MUC12: variants seen among roughly 807,000 people sequenced by gnomAD.
MUC12 encodes the protein mucin 12, cell surface associated.
Under a neutral mutation model 230.8 loss-of-function variants are expected in MUC12, and 172 were observed. The observed-to-expected ratio is 0.75, with a 90% CI of 0.66 to 0.85. The LOEUF is 0.85. Among genes scored for constraint, MUC12 ranks in the 40% least tolerant of loss-of-function variants. MUC12 has a pLI of 0.00. For synonymous variants in MUC12, 1,259 were observed against 2,401.9 expected, an observed-to-expected ratio of 0.52 and a Z score of 13.91; for missense variants, 3,506 against 5,920.6, an observed-to-expected ratio of 0.59 and a Z score of 13.38.
At chr7:100,975,272 G>A (rs1482221947) in intron 1 of MUC12, among the ~76,000 whole-genome samples, 1 of 152,312 alleles carries the variant, frequency 6.6e-6, no homozygotes, top group African/African-American at 2.4e-5. Flanking sequence ...GGATGGGCTA[G>A]GGGAGAGGGA....
At chr7:101,005,697 G>A (rs139285366) in intron 2 of MUC12, among the ~76,000 whole-genome samples, 178 bp downstream of exon 2, 21 of 152,062 alleles carry the variant, frequency 1.4e-4, no homozygotes, top group Non-Finnish European at 2.1e-4. Flanking sequence ...CCGTTCACTG[G>A]TCCCCACACA....
rs1793707875 is a variant in MUC12 at position 101,004,775 on chromosome 7, T to G, written c.14212T>G (p.Ser4738Ala). 2.3e-5 allele frequency: 35 copies of G among 1,537,472 alleles called. No individual in the cohort carries two copies. The highest frequency in any genetic ancestry group is 2.8e-5 in the Non-Finnish European group (32 of 1,147,016). Residue 4738 changes from serine (S) to alanine (A), a missense_variant, in exon 2 of 12, where the codon TCT becomes GCT. Physicochemically the swap from Ser to Ala is moderately conservative, Grantham distance 99. Coordinates refer to ENST00000536621, the MANE Select transcript of MUC12 (RefSeq NM_001164462.2). ...CACAACACCAGGCCTCAGTGCAAAA[T>G]CTACCATCCTTTACAGTAGCTCCAG... ...TATTPGLSAK[S>A]TILYSSSRSP...
rs901362997 is a variant in MUC12, at chr7:101,013,131, C to A, written c.15627C>A (p.Gly5209=). ...NLGTCQLQRS[G]PRCLCPNTNT... is the part of the protein sequence containing the mutation. ...GCACATGTCAGCTGCAACGCAGTGGCCCCCGCTGCCTGTGAGTGTCCCCAT... is the reference window on the plus strand; with the variant it reads ...GCACATGTCAGCTGCAACGCAGTGGACCCCGCTGCCTGTGAGTGTCCCCAT... Residue 5209 remains glycine (G), a synonymous_variant, in exon 8 of 12, where the codon GGC becomes GGA. Coordinates refer to ENST00000536621, the MANE Select transcript of MUC12 (RefSeq NM_001164462.2). 4 of 1,537,098 alleles carry A rather than the reference C, an allele frequency of 2.6e-6. No individual in the cohort carries two copies. The African/African-American group carries it at 5.5e-5, about 21-fold the overall frequency.
At position 100,995,597 on chromosome 7, in the gene MUC12, C is replaced by T. The variant is rs1285822062; in HGVS notation, c.5034C>T (p.Gly1678=). The T allele has an allele frequency of 3.9e-6, 6 of 1,536,684 alleles. No homozygotes were observed. Among genetic ancestry groups the T allele is most frequent in the Non-Finnish European group, 5.2e-6 (6 of 1,146,912 alleles). The change falls in exon 2 of 12, where the codon GGC becomes GGT. Residue 1678 remains glycine (G), a synonymous_variant. Transcript: ENST00000536621. ...CACACACAACACTGTCCCCTGCCGG[C>T]TCTACAACACGTCAGGGAGAATCTA... The part of the protein sequence containing the change: ...GSPHTTLSPA[G]STTRQGESTT...
intron 1 of MUC12, among the ~76,000 whole-genome samples, chr7:100,980,004 G>A (rs1793082075): frequency 6.6e-6 from 1 of 151,494 alleles, no homozygotes; most frequent in South Asian, 2.1e-4. Flanking sequence ...CAGTCTGGGG[G>A]CACATTGAGA....
chr7:100,975,610 G>T (rs1793015552), intron 1 of MUC12, among the ~76,000 whole-genome samples: 1 of 140,842 alleles, frequency 7.1e-6, no homozygotes, highest in Non-Finnish European at 1.6e-5. Flanking sequence ...AATGAGGTGG[G>T]ATTGGGGCAG....
rs1349914438 is a variant in MUC12, at chr7:100,993,465, A to G, written c.2902A>G (p.Ser968Gly). The change falls in exon 2 of 12, where the codon AGC (serine) becomes GGC (glycine). Residue 968 changes from serine (S) to glycine (G), a missense_variant. By Grantham distance (56) the Ser-to-Gly change is moderately conservative. Coordinates refer to ENST00000536621, the MANE Select transcript of MUC12 (RefSeq NM_001164462.2). ...GIVEASTRVH[S>G]STGSPRTTLS... is the part of the protein sequence containing the mutation. ...CGTTGAAGCATCTACACGCGTCCACAGCAGCACTGGCTCACCACGCACAAC... is the reference window on the plus strand; with the variant it reads ...CGTTGAAGCATCTACACGCGTCCACGGCAGCACTGGCTCACCACGCACAAC... 1 of 1,024,768 alleles carries G rather than the reference A, an allele frequency of 9.8e-7. No homozygotes were observed. Among genetic ancestry groups the G allele is most frequent in the Non-Finnish European group, 1.3e-6 (1 of 759,222 alleles). 63.5% of individuals were successfully genotyped at this position (1,024,768 alleles called of 1,614,324 possible). A position where few individuals can be genotyped will look rare whatever the true frequency, so the allele number is the denominator to read the frequency against.
Position 100,995,542 on chromosome 7 carries a change from C to G in MUC12, c.4979C>G (p.Ser1660Cys), listed in dbSNP as rs997661821. Residue 1660 changes from serine (S) to cysteine (C), a missense_variant, in exon 2 of 12, where the codon TCT (serine) becomes TGT (cysteine). Transcript: ENST00000536621. ...NTTASGLLEA[S>C]TPVHSSTGSP... ...ACAGCCTCAGGCCTCCTTGAAGCAT[C>G]TACGCCCGTCCACAGCAGCACTGGA... 8 of 1,536,374 alleles carry G rather than the reference C, an allele frequency of 5.2e-6. 1 individual carries two copies. In the African/African-American group the frequency reaches 9.7e-5, roughly 19 times the overall value.
chr7:101,017,811 T>G, intron 11 of MUC12, 148 bp downstream of exon 11: 11 of 390,520 alleles, frequency 2.8e-5, no homozygotes, highest in East Asian at 4.5e-5. Context: ...TCCCTTTCCC[T>G]TCCCCCTGGG....
Position 101,004,995 on chromosome 7 carries a change from G to C in MUC12, c.14432G>C (p.Gly4811Ala). 6.5e-7 allele frequency: 1 copy of C among 1,537,452 alleles called. No individual in the cohort carries two copies. Among genetic ancestry groups the C allele is most frequent in the Admixed American group, 2.0e-5 (1 of 50,956 alleles). The stretch of plus-strand genomic sequence containing the variant: ...TCAACTGAGACAACACTGTCCCCTG[G>C]CAGCATCACAACTTCATCTTTTGCT... ...PGSTETTLSP[G>A]SITTSSFAQE... Residue 4811 changes from glycine (G) to alanine (A), a missense_variant, in exon 2 of 12, where the codon GGC becomes GCC. By Grantham distance (60) the Gly-to-Ala change is moderately conservative. Coordinates refer to ENST00000536621, the MANE Select transcript of MUC12 (RefSeq NM_001164462.2).
At chr7:100,989,956 G>T (rs1262735975) in intron 1 of MUC12, among the ~76,000 whole-genome samples, 2 of 152,180 alleles carry the variant, frequency 1.3e-5, no homozygotes, top group Non-Finnish European at 2.9e-5. Context: ...GCCTCCCAAA[G>T]TGTTGGGATT....
rs972842575 is a variant in MUC12 at position 100,991,314 on chromosome 7, C to T, written c.751C>T (p.Pro251Ser). Residue 251 changes from proline to serine, a missense_variant, in exon 2 of 12, where the codon CCC (proline) becomes TCC (serine). Coordinates refer to ENST00000536621, the MANE Select transcript of MUC12 (RefSeq NM_001164462.2). Reference protein sequence around the residue: ...TTSGLLEASTPVHSSTGSPHT... With the variant: ...TTSGLLEASTSVHSSTGSPHT... Reference sequence around the variant, plus strand: ...CTCAGGCCTCCTTGAAGCATCTACGCCCGTCCACAGCAGCACTGGATCGCC... The same window carrying T: ...CTCAGGCCTCCTTGAAGCATCTACGTCCGTCCACAGCAGCACTGGATCGCC... 2 of 1,537,588 alleles carry T rather than the reference C, an allele frequency of 1.3e-6. No individual in the cohort carries two copies. The highest frequency in any genetic ancestry group is 1.7e-6 in the Non-Finnish European group (2 of 1,147,028).
intron 1 of MUC12, chr7:100,972,001 CATCT>C (rs1232460361): frequency 2.9e-6 from 2 of 694,308 alleles, no homozygotes; most frequent in Admixed American, 2.0e-5. Context: ...GTCAGAAAAA[CATCT>C]ATCTATGGCC....
chr7:100,992,401 G>T lies in MUC12; in HGVS notation c.1838G>T (p.Arg613Ile). The T allele has an allele frequency of 6.5e-7, 1 of 1,537,464 alleles. No homozygotes were observed. Residue 613 changes from arginine to isoleucine, a missense_variant, in exon 2 of 12, where the codon AGA (arginine) becomes ATA (isoleucine). Physicochemically the swap from Arg to Ile is moderately conservative, Grantham distance 97 (BLOSUM62 -3). Coordinates refer to ENST00000536621, the MANE Select transcript of MUC12 (RefSeq NM_001164462.2). Reference protein sequence around the residue: ...EASMPVHSSTRSPHTTLSPAG... With the variant: ...EASMPVHSSTISPHTTLSPAG... ...TCTATGCCCGTCCACAGCAGCACCA[G>T]ATCGCCACACACAACACTGTCCCCT...
Position 100,991,822 on chromosome 7 carries a change from AAAC to A in MUC12, c.1264_1266del (p.Thr422del). On this transcript the variant is annotated inframe_deletion, in exon 2 of 12. Transcript: ENST00000536621. ...TACCACAGCAGCCTGGGCTCAACTG[AAAC>A]AACACACTTCCGTGATAGCTCCACA... 6.5e-7 allele frequency: 1 copy of A among 1,537,856 alleles called. No individual in the cohort carries two copies. The highest frequency in any genetic ancestry group is 8.7e-7 in the Non-Finnish European group (1 of 1,147,052).
rs1208454191 is a variant in MUC12, at chr7:100,991,144, C to T, written c.581C>T (p.Thr194Ile). The change falls in exon 2 of 12, where the codon ACA (threonine) becomes ATA (isoleucine). Residue 194 changes from threonine (T) to isoleucine (I), a missense_variant. Coordinates refer to ENST00000536621, the MANE Select transcript of MUC12 (RefSeq NM_001164462.2). ...ATGCCAGGCGTCAGTCAGGAATCTA[C>T]AGCTTCCCACAGCATCCCCGGCTCC... ...TTMPGVSQESTASHSIPGSTD... is the reference protein window; with the variant it reads ...TTMPGVSQESIASHSIPGSTD... 3.9e-6 allele frequency: 6 copies of T among 1,537,728 alleles called. No individual in the cohort carries two copies. In the Admixed American group the frequency reaches 9.8e-5, roughly 25 times the overall value.
rs772655555 is a variant in MUC12, at chr7:100,993,509, C to T, written c.2946C>T (p.Ser982=). 738 of 1,016,016 alleles carry T rather than the reference C, an allele frequency of 7.3e-4. 206 individuals carry two copies. In the African/African-American group the frequency reaches 0.013, roughly 18 times the overall value. The allele number at this position is 1,016,016 out of a possible 1,614,324, so 62.9% of individuals were successfully genotyped here. ...GCACAACACTGTCCCCTGCCAGCTC[C>T]ACAAGCCCTGGACTTCAGGGAGAAT... ...SPRTTLSPAS[S]TSPGLQGEST... is the part of the protein sequence containing the mutation. Residue 982 remains serine (S), a synonymous_variant, in exon 2 of 12, where the codon TCC becomes TCT. Coordinates refer to ENST00000536621, the MANE Select transcript of MUC12 (RefSeq NM_001164462.2).
rs1251023739 is a variant in MUC12 at position 101,012,817 on chromosome 7, AG to A, written c.15404-1del. The A allele has an allele frequency of 6.5e-7, 1 of 1,537,254 alleles. No individual in the cohort carries two copies. The highest frequency in any genetic ancestry group is 2.0e-5 in the Admixed American group (1 of 51,004). Reference sequence around the variant, plus strand: ...ATCTTCCTTCCCATCCACTCTCGGCAGAGGCCATACTGTGCTATAGTGAAGA... The same window carrying A: ...ATCTTCCTTCCCATCCACTCTCGGCAAGGCCATACTGTGCTATAGTGAAGA... On this transcript the variant is annotated splice_acceptor_variant, in intron 6 of 11. Coordinates refer to ENST00000536621, the MANE Select transcript of MUC12 (RefSeq NM_001164462.2). LOFTEE classifies it high-confidence loss of function.
In MUC12 at chr7:101,012,357, G is replaced by C; in HGVS notation, c.15313G>C (p.Glu5105Gln). 1 of 1,537,558 alleles carries C rather than the reference G, an allele frequency of 6.5e-7. No homozygotes were observed. Among genetic ancestry groups the C allele is most frequent in the African/African-American group, 1.4e-5 (1 of 73,154 alleles). Residue 5105 changes from glutamate (E) to glutamine (Q), a missense_variant, in exon 6 of 12, where the codon GAG becomes CAG. Glu to Gln is a conservative substitution (Grantham distance 29, BLOSUM62 2). Coordinates refer to ENST00000536621, the MANE Select transcript of MUC12 (RefSeq NM_001164462.2). ...ILEADYTLEY[E>Q]ELFENLAEIV... is the part of the protein sequence containing the mutation. Reference sequence around the variant, plus strand: ...GGAGGCAGACTACACTTTAGAGTATGAGGAACTGTTTGAAAACCTGGCAGA... The same window carrying C: ...GGAGGCAGACTACACTTTAGAGTATCAGGAACTGTTTGAAAACCTGGCAGA...
Sources: allele counts gnomAD v4.1 joint callset (sites outside exome capture counted in the v4.1 genomes callset), GRCh38; gene constraint gnomAD v4.1.1; transcripts MANE v1.5; gene names NCBI Gene and HGNC (gene_info 2026-07-23, HGNC 2026-07-21).